The following NTF3 variants were observed in gnomAD, a reference collection of about 807,000 sequenced individuals.
The protein encoded by NTF3 is neurotrophin 3, also known as neurotrophin-3.
NTF3 carries 8 observed loss-of-function variants against 26.3 expected under a neutral mutation model. That is an observed-to-expected ratio of 0.30 (90% CI 0.18 to 0.55). NTF3 has a LOEUF of 0.55. NTF3 is among the 20% of genes least tolerant of loss of function. The pLI is 0.93. For synonymous variants in NTF3, 154 were observed against 145.5 expected, an observed-to-expected ratio of 1.06 and a Z score of -0.42; for missense variants, 276 against 352.9, an observed-to-expected ratio of 0.78 and a Z score of 1.75.
At chr12:5,486,220 G>A (rs1032023492) in intron 1 of NTF3, among the ~76,000 whole-genome samples, 2 of 152,216 alleles carry the variant, frequency 1.3e-5, no homozygotes, top group Non-Finnish European at 2.9e-5. Context: ...GGCCAAATCA[G>A]TATGGTTTGA....
chr12:5,494,586 G>A lies in NTF3; in HGVS notation c.411G>A (p.Val137=). The change falls in exon 2 of 2, where the codon GTG becomes GTA. Residue 137 remains valine (V), a synonymous_variant. Coordinates refer to ENST00000423158, the MANE Select transcript of NTF3 (RefSeq NM_001102654.2). The surrounding 1 kb of genome is among the most constrained non-coding windows in gnomAD (Gnocchi z 8.3). The part of the protein sequence containing the change: ...PPPLYLMEDY[V]GSPVVANRTS... ...CCTTGTATCTCATGGAGGATTACGTGGGCAGCCCCGTGGTGGCGAACAGAA... is the reference window on the plus strand; with the variant it reads ...CCTTGTATCTCATGGAGGATTACGTAGGCAGCCCCGTGGTGGCGAACAGAA... 1 of 1,614,084 alleles carries A rather than the reference G, an allele frequency of 6.2e-7. No individual in the cohort carries two copies.
At chr12:5,476,067 G>C (rs1469782013) in intron 1 of NTF3, among the ~76,000 whole-genome samples, 1 of 152,244 alleles carries the variant, frequency 6.6e-6, no homozygotes, top group Admixed American at 6.5e-5. Flanking sequence ...GCCTGTTGGA[G>C]AGCGAGTATG....
chr12:5,458,275 C>T (rs1002547824), intron 1 of NTF3, among the ~76,000 whole-genome samples: 8 of 152,226 alleles, frequency 5.3e-5, no homozygotes, highest in African/African-American at 1.9e-4. Flanking sequence ...TGTTAGTATG[C>T]AGCAGTGGCC....
intron 1 of NTF3, among the ~76,000 whole-genome samples, chr12:5,491,905 G>A (rs1046776882): frequency 2.0e-5 from 3 of 151,158 alleles, no homozygotes; most frequent in Admixed American, 6.6e-5. Flanking sequence ...TTTTTTAGAC[G>A]GGGTTTCACC....
At chr12:5,477,605 A>G (rs1940739987) in intron 1 of NTF3, among the ~76,000 whole-genome samples, 1 of 152,196 alleles carries the variant, frequency 6.6e-6, no homozygotes, top group Non-Finnish European at 1.5e-5. Context: ...TTGTGATTGC[A>G]GGGTTCTTAG....
At chr12:5,434,042 T>C (rs1179568486) in intron 1 of NTF3, among the ~76,000 whole-genome samples, 2 of 152,110 alleles carry the variant, frequency 1.3e-5, no homozygotes, top group Admixed American at 6.5e-5. Flanking sequence ...TGGGAGAAAG[T>C]TGTAACATAG....
At chr12:5,476,717 G>C (rs1940729316) in intron 1 of NTF3, among the ~76,000 whole-genome samples, 1 of 152,194 alleles carries the variant, frequency 6.6e-6, no homozygotes, top group South Asian at 2.1e-4. Flanking sequence ...TGTCCAACAA[G>C]GGGGTGTCAT....
chr12:5,454,533 CCA>C (rs1401179563), intron 1 of NTF3, among the ~76,000 whole-genome samples: 1 of 152,174 alleles, frequency 6.6e-6, no homozygotes, highest in African/African-American at 2.4e-5. Context: ...CTCCAAACAC[CCA>C]CAGAGTGCAG....
intron 1 of NTF3, 32 bp downstream of exon 1, chr12:5,432,374 C>T (rs773037027): frequency 6.2e-7 from 1 of 1,607,080 alleles, no homozygotes; most frequent in Non-Finnish European, 8.5e-7. Flanking sequence ...CTTGGGTGGG[C>T]AGGTTTGGGG....
chr12:5,467,479 C>G (rs1323032422), intron 1 of NTF3, among the ~76,000 whole-genome samples: 2 of 152,204 alleles, frequency 1.3e-5, no homozygotes, highest in African/African-American at 2.4e-5. Context: ...CTCCCCATAT[C>G]TAACTTACCT....
intron 1 of NTF3, among the ~76,000 whole-genome samples, chr12:5,475,015 A>G (rs1940705442): frequency 6.6e-6 from 1 of 152,128 alleles, no homozygotes; most frequent in South Asian, 2.1e-4. Flanking sequence ...GTTCAGGTGG[A>G]GATGTCTAGT....
intron 1 of NTF3, among the ~76,000 whole-genome samples, chr12:5,476,199 C>T (rs990237323): frequency 6.6e-6 from 1 of 152,152 alleles, no homozygotes; most frequent in South Asian, 2.1e-4. Context: ...TGCTTACACC[C>T]CTTTTCACTT....
At position 5,466,798 on chromosome 12, in the gene NTF3, G is replaced by T. The variant is rs183566746; in HGVS notation, c.19-27396G>T. ...TAGGCTGGGTTTCCCGGGGAGGGGG[G>T]ACTGACAGCCATCTGCCCTGAGACT... On this transcript the variant is annotated intron_variant, in intron 1 of 1. Transcript: ENST00000423158. Among the ~76,000 whole-genome samples the T allele has an allele frequency of 4.5e-3, 692 of 152,304 alleles. 6 individuals are homozygous for T. Among genetic ancestry groups the T allele is most frequent in the Non-Finnish European group, 7.5e-3 (512 of 68,030 alleles).
chr12:5,470,518 C>A (rs1194057809), intron 1 of NTF3, among the ~76,000 whole-genome samples: 1 of 152,188 alleles, frequency 6.6e-6, no homozygotes, highest in East Asian at 1.9e-4. Context: ...CACTTGCAGT[C>A]CTGGCTGTAA....
intron 1 of NTF3, among the ~76,000 whole-genome samples, chr12:5,434,171 T>C (rs1419843958): frequency 6.6e-6 from 1 of 151,930 alleles, no homozygotes; most frequent in South Asian, 2.1e-4. Context: ...AGCTGAAAGG[T>C]AGAATGTGGA....
chr12:5,487,640 G>A (rs7304577), intron 1 of NTF3, among the ~76,000 whole-genome samples: 4,079 of 152,220 alleles, frequency 0.027, 107 homozygotes, highest in African/African-American at 0.075. Context: ...ATCTTGGGCC[G>A]AGGATTGACC....
In NTF3 at chr12:5,437,158, C is replaced by T. The variant is rs117741559; in HGVS notation, c.18+4816C>T. On this transcript the variant is annotated intron_variant, in intron 1 of 1. Transcript: ENST00000423158. The stretch of plus-strand genomic sequence containing the variant: ...GAGGGGCATGGAAACACACTGAAAC[C>T]TCCGATTCCTCCCAGAAGTCAGTAC... Among the ~76,000 whole-genome samples the T allele has an allele frequency of 5.4e-3, 824 of 152,302 alleles. 7 individuals carry two copies. The highest frequency in any genetic ancestry group is 0.014 in the Middle Eastern group (4 of 294).
intron 1 of NTF3, among the ~76,000 whole-genome samples, chr12:5,469,488 C>T (rs894127156): frequency 2.6e-5 from 4 of 152,060 alleles, no homozygotes; most frequent in Non-Finnish European, 2.9e-5. Flanking sequence ...ATCATGGGGC[C>T]GGTGGACAGT....
intron 1 of NTF3, among the ~76,000 whole-genome samples, chr12:5,445,659 A>T (rs866854502): frequency 9.9e-5 from 15 of 152,182 alleles, no homozygotes; most frequent in Admixed American, 2.0e-4. Context: ...ATTCAGGCCA[A>T]TTAAATTTGA....
Sources: gnomAD v4.1 joint callset for allele counts (sites outside exome capture counted in the v4.1 genomes callset) on GRCh38, gnomAD v4.1.1 for gene constraint, Gnocchi (gnomAD v3.1) non-coding constraint, MANE v1.5 for transcripts, NCBI Gene and HGNC (gene_info 2026-07-23, HGNC 2026-07-21) for gene names.